The following MVB12B variants were observed in gnomAD, a reference collection of about 807,000 sequenced individuals.
MVB12B encodes the protein multivesicular body subunit 12B, also known as ESCRT-I complex subunit MVB12B.
Under a neutral mutation model 41.6 loss-of-function variants are expected in MVB12B, and 16 were observed. The ratio of observed to expected loss-of-function variants is 0.38; its 90% confidence interval spans 0.26 to 0.58. The LOEUF (loss-of-function observed/expected upper bound fraction) is 0.58, where lower values mean the gene tolerates loss of function less well. Ranked by LOEUF, MVB12B falls within the 20% of genes least tolerant of loss-of-function variation. MVB12B has a pLI of 0.62. For synonymous variants in MVB12B, 133 were observed against 139.7 expected (o/e 0.95, Z 0.34); for missense variants, 274 against 380.2 (o/e 0.72, Z 2.32).
In MVB12B at chr9:126,504,003, C is replaced by G. The variant is rs1470997906; in HGVS notation, c.*740C>G. On this transcript the variant is annotated 3_prime_UTR_variant, in exon 10 of 10. Transcript: ENST00000361171. ...TGTGCTCGGCCATGGCGCGCCTCCC[C>G]CAAGGGCTCATCTGTGCAACAACCA... is the stretch of plus-strand genomic sequence containing the variant. The G allele has an allele frequency of 6.6e-6, 1 of 152,472 alleles. No homozygotes were observed. The highest frequency in any genetic ancestry group is 1.5e-5 in the Non-Finnish European group (1 of 68,260). 9.4% of individuals were successfully genotyped at this position (152,472 alleles called of 1,614,324 possible).
At chr9:126,476,949 T>A (rs1019758986) in intron 7 of MVB12B, among the ~76,000 whole-genome samples, 7 of 151,626 alleles carry the variant, frequency 4.6e-5, no homozygotes, top group Non-Finnish European at 8.8e-5. Flanking sequence ...ATATGTGATA[T>A]ATATATATTT....
intron 9 of MVB12B, 108 bp downstream of exon 9, chr9:126,484,140 G>C: frequency 9.8e-7 from 1 of 1,022,360 alleles, no homozygotes; most frequent in Non-Finnish European, 1.5e-6. Flanking sequence ...GACAGGTGGA[G>C]GTGTTCCGTT....
At position 126,431,890 on chromosome 9, in the gene MVB12B, G is replaced by T. The variant is rs201334516; in HGVS notation, c.757+9942G>T. Among the ~76,000 whole-genome samples the T allele has an allele frequency of 3.3e-5, 5 of 152,168 alleles. No homozygotes were observed. The East Asian group carries it at 9.6e-4, about 29-fold the overall frequency. ...ATCGATCATTTGAACATAGCAATAGGTCGGCTCATTCTTATGGGACGCTTC... is the reference window on the plus strand; with the variant it reads ...ATCGATCATTTGAACATAGCAATAGTTCGGCTCATTCTTATGGGACGCTTC... On this transcript the variant is annotated intron_variant, in intron 7 of 9. Transcript: ENST00000361171.
intron 7 of MVB12B, among the ~76,000 whole-genome samples, chr9:126,458,827 A>G (rs1833036227): frequency 6.6e-6 from 1 of 152,262 alleles, no homozygotes; most frequent in Non-Finnish European, 1.5e-5. Context: ...AGAATCCAGC[A>G]CAAGTTAGAA....
intron 7 of MVB12B, among the ~76,000 whole-genome samples, chr9:126,451,672 C>A (rs553051399): frequency 3.9e-5 from 6 of 152,204 alleles, no homozygotes; most frequent in African/African-American, 1.4e-4. Flanking sequence ...CGTGGTGGGA[C>A]ACGACCCTCC....
chr9:126,441,898 C>A (rs757508676), intron 7 of MVB12B, among the ~76,000 whole-genome samples: 18 of 152,146 alleles, frequency 1.2e-4, no homozygotes, highest in Non-Finnish European at 2.1e-4. Context: ...CTGAATGGTA[C>A]CTATTATGCA....
chr9:126,336,475 C>G (rs1368576631), intron 1 of MVB12B, among the ~76,000 whole-genome samples: 1 of 152,196 alleles, frequency 6.6e-6, no homozygotes, highest in Non-Finnish European at 1.5e-5. Flanking sequence ...TATGAAGGGT[C>G]TTTATAGTTA....
intron 7 of MVB12B, among the ~76,000 whole-genome samples, chr9:126,437,583 G>A (rs983807188): frequency 5.3e-5 from 8 of 152,192 alleles, no homozygotes; most frequent in Admixed American, 1.3e-4. Context: ...ACAGAAAACC[G>A]GAGACAGTTG....
intron 7 of MVB12B, among the ~76,000 whole-genome samples, chr9:126,451,458 C>T (rs978045328): frequency 6.6e-6 from 1 of 152,012 alleles, no homozygotes; most frequent in Non-Finnish European, 1.5e-5. Flanking sequence ...AGCAAATGAT[C>T]CCAAGAGCTG....
chr9:126,397,296 T>C (rs1285597069), intron 6 of MVB12B: 1 of 985,346 alleles, frequency 1.0e-6, no homozygotes, highest in African/African-American at 1.7e-5. Flanking sequence ...CAGAGAGAGC[T>C]CTCAGAAGCC....
In MVB12B at chr9:126,402,608, A is replaced by G. The variant is rs113427435; in HGVS notation, c.662+6911A>G. Among the ~76,000 whole-genome samples the G allele has an allele frequency of 7.9e-3, 1,203 of 152,072 alleles. 8 individuals are homozygous for G. Among genetic ancestry groups the G allele is most frequent in the Non-Finnish European group, 0.01 (706 of 67,984 alleles). ...AGTGAGCTGTGATCATGATTCCTCC[A>G]TTGCATTCCAGCCTGGGCGACAGTG... On this transcript the variant is annotated intron_variant, in intron 6 of 9. Coordinates refer to ENST00000361171, the MANE Select transcript of MVB12B (RefSeq NM_033446.3).
At chr9:126,329,655 C>G (rs914680426) in intron 1 of MVB12B, among the ~76,000 whole-genome samples, 1 of 152,198 alleles carries the variant, frequency 6.6e-6, no homozygotes, top group Non-Finnish European at 1.5e-5. Flanking sequence ...GTGCTCCATA[C>G]TCAAAGGGAG....
rs1005792025 is a variant in MVB12B at position 126,403,156 on chromosome 9, G to A, written c.662+7459G>A. On this transcript the variant is annotated intron_variant, in intron 6 of 9. Coordinates refer to ENST00000361171, the MANE Select transcript of MVB12B (RefSeq NM_033446.3). ...CACTGGGGTTTTCAGACACACATATGTTCCTTTTTCCTCAATCGAGAACTT... is the reference window on the plus strand; with the variant it reads ...CACTGGGGTTTTCAGACACACATATATTCCTTTTTCCTCAATCGAGAACTT... 4.6e-5 allele frequency among the ~76,000 whole-genome samples: 7 copies of A among 152,234 alleles called. 1 individual carries two copies. In the South Asian group the frequency reaches 1.2e-3, roughly 27 times the overall value.
Position 126,503,303 on chromosome 9 carries a change from GACT to G in MVB12B, c.*44_*46del, listed in dbSNP as rs762400148. 5.4e-6 allele frequency: 8 copies of G among 1,492,584 alleles called. 1 individual carries two copies. The South Asian group carries it at 9.7e-5, about 18-fold the overall frequency. The allele number at this position is 1,492,584 out of a possible 1,614,324, so 92.5% of individuals were successfully genotyped here. ...CCTGCGGGGAGACCACCGCCGCCCA[GACT>G]ACTGACGGCAGGGGCTGCTGCCCCC... On this transcript the variant is annotated 3_prime_UTR_variant, in exon 10 of 10. Transcript: ENST00000361171.
chr9:126,477,007 G>A (rs984745578), intron 7 of MVB12B, among the ~76,000 whole-genome samples: 1 of 152,060 alleles, frequency 6.6e-6, no homozygotes, highest in African/African-American at 2.4e-5. Context: ...CCTGAGACTG[G>A]GTCATTGATA....
intron 5 of MVB12B, among the ~76,000 whole-genome samples, chr9:126,393,820 A>G (rs543565733): frequency 4.7e-4 from 71 of 152,354 alleles, no homozygotes; most frequent in Middle Eastern, 3.4e-3. Context: ...GTGGGCTCCC[A>G]GAGGCACCCT....
rs535004740 is a variant in MVB12B at position 126,386,541 on chromosome 9, T to C, written c.313-21T>C. 7 of 1,587,402 alleles carry C rather than the reference T, an allele frequency of 4.4e-6. No individual in the cohort carries two copies. The South Asian group carries it at 7.7e-5, about 18-fold the overall frequency. ...TGCATGTTCAGATTAATAGTCTGTA[T>C]CTCTTTTCTTTCTTCCCAAGAGTCA... On this transcript the variant is annotated intron_variant, in intron 3 of 9. Coordinates refer to ENST00000361171, the MANE Select transcript of MVB12B (RefSeq NM_033446.3). This position sits in a 1 kb window ranked among gnomAD's most constrained non-coding sequence, Gnocchi z 4.3.
chr9:126,335,259 G>A, intron 1 of MVB12B: 17 of 1,253,642 alleles, frequency 1.4e-5, no homozygotes, highest in Non-Finnish European at 1.8e-5. Flanking sequence ...TCTGTCCAAA[G>A]TTCAGAAGGT....
chr9:126,376,617 G>T lies in MVB12B; in HGVS notation c.205-4447G>T. The T allele has an allele frequency of 7.8e-7, 1 of 1,289,388 alleles. No homozygotes were observed. The highest frequency in any genetic ancestry group is 1.2e-5 in the South Asian group (1 of 81,026). 79.9% of individuals were successfully genotyped at this position (1,289,388 alleles called of 1,614,324 possible). On this transcript the variant is annotated intron_variant, in intron 2 of 9. Coordinates refer to ENST00000361171, the MANE Select transcript of MVB12B (RefSeq NM_033446.3). This position sits in a 1 kb window ranked among gnomAD's most constrained non-coding sequence, Gnocchi z 4.1. ...CAGTGTTCAGGGGAGGCGGCTGGAA[G>T]CAAGAAGGAGGGTAAGCGCGGGTGG...
Sources: gnomAD v4.1 joint callset for allele counts (sites outside exome capture counted in the v4.1 genomes callset) on GRCh38, gnomAD v4.1.1 for gene constraint, Gnocchi (gnomAD v3.1) non-coding constraint, MANE v1.5 for transcripts, NCBI Gene and HGNC (gene_info 2026-07-23, HGNC 2026-07-21) for gene names.